SASH1: variants seen among roughly 807,000 people sequenced by gnomAD.
The protein encoded by SASH1 is SAM and SH3 domain-containing protein 1.
SASH1 carries 44 observed loss-of-function variants against 125.2 expected under a neutral mutation model. The observed-to-expected ratio is 0.35, with a 90% CI of 0.28 to 0.45. The LOEUF (loss-of-function observed/expected upper bound fraction) is 0.45. Ranked by LOEUF, SASH1 falls within the 20% of genes least tolerant of loss-of-function variation. SASH1 has a pLI of 1.00. For missense variants in SASH1, 1,426 were observed against 1,614.5 expected (o/e 0.88, Z 2.00); for synonymous variants, 639 against 649.1 (o/e 0.98, Z 0.24).
At chr6:148,315,626 A>G (rs895794780) in intron 1 of SASH1, among the ~76,000 whole-genome samples, 1 of 152,168 alleles carries the variant, frequency 6.6e-6, no homozygotes, top group African/African-American at 2.4e-5. Flanking sequence ...AAACTAGGCC[A>G]GGCACAGTGG....
chr6:148,494,160 A>AT (rs1779219670), intron 8 of SASH1, among the ~76,000 whole-genome samples: 1 of 152,206 alleles, frequency 6.6e-6, no homozygotes, highest in Non-Finnish European at 1.5e-5. Context: ...TTGAATATTA[A>AT]CAAAAATGTT....
intron 10 of SASH1, chr6:148,524,998 T>TTTC: frequency 5.5e-6 from 2 of 361,086 alleles, no homozygotes; most frequent in South Asian, 5.6e-5. Flanking sequence ...ATGGAGGGTT[T>TTTC]TTCTTTTGTT....
chr6:148,332,267 G>A lies in SASH1; in HGVS notation n.75-57867G>A, dbSNP rs117881579. Among the ~76,000 whole-genome samples the A allele has an allele frequency of 5.3e-5, 8 of 152,280 alleles. No homozygotes were observed. In the East Asian group the frequency reaches 1.3e-3, roughly 26 times the overall value. On this transcript the variant is annotated intron_variant and non_coding_transcript_variant, in intron 1 of 3. Transcript: ENST00000367469. ...ACCTATCAGTCTTTCCTTGAAGTCA[G>A]TTCCCCCAAGGCATTGTGGAATGCC...
At chr6:148,272,659 C>T (rs1305351465) in intron 1 of SASH1, among the ~76,000 whole-genome samples, 1 of 152,108 alleles carries the variant, frequency 6.6e-6, no homozygotes, top group Non-Finnish European at 1.5e-5. Flanking sequence ...CCCCAAGACT[C>T]TAAAAAAGGT....
intron 8 of SASH1, among the ~76,000 whole-genome samples, chr6:148,502,194 T>C (rs1439330979): frequency 6.6e-6 from 1 of 152,234 alleles, no homozygotes; most frequent in Admixed American, 6.5e-5. Flanking sequence ...ATTATTTCAG[T>C]GTTCCACTGT....
chr6:148,402,305 G>T (rs1035744433), intron 2 of SASH1, among the ~76,000 whole-genome samples: 1 of 152,070 alleles, frequency 6.6e-6, no homozygotes, highest in Non-Finnish European at 1.5e-5. Flanking sequence ...TCACAAAAAT[G>T]ACTTTTTGTT....
the SASH1 span, among the ~76,000 whole-genome samples, chr6:148,247,406 A>G: frequency 6.6e-6 from 1 of 152,212 alleles, no homozygotes; most frequent in Non-Finnish European, 1.5e-5. Flanking sequence ...ATAGCCTGGT[A>G]CCTCCATCTC....
chr6:148,398,708 T>G (rs574126225), intron 2 of SASH1, among the ~76,000 whole-genome samples: 8 of 152,332 alleles, frequency 5.3e-5, no homozygotes, highest in African/African-American at 1.9e-4. Context: ...TTGTCTTCAC[T>G]TACATTATTT....
At chr6:148,373,956 G>C (rs1782793108) in intron 1 of SASH1, among the ~76,000 whole-genome samples, 1 of 152,154 alleles carries the variant, frequency 6.6e-6, no homozygotes, top group Admixed American at 6.5e-5. Flanking sequence ...CTCCAGCCTG[G>C]GTGACAGAGT....
In SASH1 at chr6:148,459,652, T is replaced by G. The variant is rs370464407; in HGVS notation, c.387-8893T>G. ...TACAAGTTAAGAAATGGAAGTATAT[T>G]TGAAGAAGGACTGAGGATGACTTGG... On this transcript the variant is annotated intron_variant, in intron 4 of 19. Coordinates refer to ENST00000367467, the MANE Select transcript of SASH1 (RefSeq NM_015278.5). Among the ~76,000 whole-genome samples the G allele has an allele frequency of 7.9e-5, 12 of 152,122 alleles. No homozygotes were observed. The East Asian group carries it at 1.3e-3, about 17-fold the overall frequency.
chr6:148,504,437 A>G (rs1302567892), intron 8 of SASH1, among the ~76,000 whole-genome samples: 1 of 152,170 alleles, frequency 6.6e-6, no homozygotes, highest in Non-Finnish European at 1.5e-5. Flanking sequence ...CCAATTCCTC[A>G]CCATAGGAGT....
At chr6:148,295,819 A>G (rs910968122) in intron 1 of SASH1, among the ~76,000 whole-genome samples, 1 of 152,238 alleles carries the variant, frequency 6.6e-6, no homozygotes, top group African/African-American at 2.4e-5. Context: ...GACAGCAGCC[A>G]GCACTTCACC....
chr6:148,232,122 C>T, the SASH1 span, among the ~76,000 whole-genome samples: 2 of 152,034 alleles, frequency 1.3e-5, no homozygotes, highest in African/African-American at 4.8e-5. Flanking sequence ...GTTGTAGTGG[C>T]AGATAGAGGA....
intron 1 of SASH1, among the ~76,000 whole-genome samples, chr6:148,304,392 G>A (rs1231292861): frequency 5.3e-5 from 8 of 149,954 alleles, no homozygotes; most frequent in Non-Finnish European, 1.2e-4. Flanking sequence ...CCAAGATCGC[G>A]CCACTGCACT....
intron 1 of SASH1, among the ~76,000 whole-genome samples, chr6:148,353,919 C>T (rs1390385790): frequency 6.6e-6 from 1 of 152,046 alleles, no homozygotes; most frequent in African/African-American, 2.4e-5. Context: ...CCTGTAATCC[C>T]AGTGTTTTGG....
chr6:148,440,333 T>C (rs778362497), intron 3 of SASH1, 25 bp from the exon 4 acceptor site: 1 of 1,613,404 alleles, frequency 6.2e-7, no homozygotes, highest in Non-Finnish European at 8.5e-7. Flanking sequence ...CTGACCACAC[T>C]GACTATACGA....
intron 1 of SASH1, among the ~76,000 whole-genome samples, chr6:148,367,463 G>T (rs1435831660): frequency 6.6e-6 from 1 of 152,216 alleles, no homozygotes; most frequent in African/African-American, 2.4e-5. Context: ...GCGCAGGTCT[G>T]CAGGGAAACA....
At chr6:148,541,132 G>T (rs759149997) in intron 17 of SASH1, among the ~76,000 whole-genome samples, 1 of 151,990 alleles carries the variant, frequency 6.6e-6, no homozygotes, top group Non-Finnish European at 1.5e-5. Context: ...GTGGTTTCCT[G>T]TTGTGACCCC....
rs1779245158 is a variant in SASH1 at position 148,278,328 on chromosome 6, C to T, written n.74+5951C>T. ...CTGGGATTACAGCCGTGAGCCACCGCACCCGGCCGGGAGAGGCTTATTAAA... is the reference window on the plus strand; with the variant it reads ...CTGGGATTACAGCCGTGAGCCACCGTACCCGGCCGGGAGAGGCTTATTAAA... On this transcript the variant is annotated intron_variant and non_coding_transcript_variant, in intron 1 of 3. Transcript: ENST00000367469. 3.3e-5 allele frequency among the ~76,000 whole-genome samples: 5 copies of T among 152,160 alleles called. No individual in the cohort carries two copies. In the South Asian group the frequency reaches 8.3e-4, roughly 25 times the overall value.
Sources: gnomAD v4.1 joint callset for allele counts (sites outside exome capture counted in the v4.1 genomes callset) on GRCh38, gnomAD v4.1.1 for gene constraint, MANE v1.5 for transcripts, NCBI Gene and HGNC (gene_info 2026-07-23, HGNC 2026-07-21) for gene names.